TTC7B: variants seen among roughly 807,000 people sequenced by gnomAD.
TTC7B encodes the protein tetratricopeptide repeat domain 7B.
TTC7B carries 28 observed loss-of-function variants against 106.8 expected under a neutral mutation model. The observed-to-expected ratio is 0.26, with a 90% confidence interval of 0.19 to 0.36. The LOEUF is 0.36. Among genes scored for constraint, TTC7B ranks in the 10% least tolerant of loss-of-function variants. TTC7B has a pLI of 1.00. For missense variants in TTC7B, 862 were observed against 1,076.4 expected, an observed-to-expected ratio of 0.80 and a Z score of 2.79; for synonymous variants, 405 against 430.6, an observed-to-expected ratio of 0.94 and a Z score of 0.74.
In TTC7B at chr14:90,695,502, T is replaced by C; in HGVS notation, c.775A>G (p.Met259Val). Residue 259 changes from methionine (M) to valine (V), a missense_variant and splice_region_variant, in exon 6 of 20, where the codon ATG (methionine) becomes GTG (valine). Physicochemically the swap from Met to Val is conservative, Grantham distance 21. Coordinates refer to ENST00000328459, the MANE Select transcript of TTC7B (RefSeq NM_001010854.2). ...ATCAAGTCACTGTTCACACTTACCA[T>C]TCGCAGGTTTTGAGTCGTTCTTGTT... ...VETRTTQNLRMTIARQLAEIL... is the reference protein window; with the variant it reads ...VETRTTQNLRVTIARQLAEIL... 6.3e-7 allele frequency: 1 copy of C among 1,591,310 alleles called. No individual in the cohort carries two copies. Among genetic ancestry groups the C allele is most frequent in the Non-Finnish European group, 8.5e-7 (1 of 1,169,830 alleles).
chr14:90,783,478 T>C (rs1395989687), intron 2 of TTC7B, among the ~76,000 whole-genome samples: 1 of 152,208 alleles, frequency 6.6e-6, no homozygotes, highest in Non-Finnish European at 1.5e-5. Flanking sequence ...GTGTATCTAG[T>C]GCTATACAGC....
In TTC7B at chr14:90,798,258, C is replaced by A. The variant is rs1477973233; in HGVS notation, c.122-11930G>T. 2.0e-5 allele frequency among the ~76,000 whole-genome samples: 3 copies of A among 152,096 alleles called. 1 individual carries two copies. Among genetic ancestry groups the A allele is most frequent in the African/African-American group, 7.2e-5 (3 of 41,416 alleles). ...AGAGCAGCAAAGTCACCGGGCTGAC[C>A]CATAGCAGGCCACTGATGGATGAGC... is the stretch of plus-strand genomic sequence containing the variant. On this transcript the variant is annotated intron_variant, in intron 1 of 19. Coordinates refer to ENST00000328459, the MANE Select transcript of TTC7B (RefSeq NM_001010854.2).
intron 17 of TTC7B, among the ~76,000 whole-genome samples, chr14:90,596,905 A>G (rs1892229162): frequency 6.6e-6 from 1 of 152,122 alleles, no homozygotes; most frequent in Non-Finnish European, 1.5e-5. Flanking sequence ...CCCTCTCTGG[A>G]TGCACGTGTG....
intron 1 of TTC7B, among the ~76,000 whole-genome samples, chr14:90,810,572 G>A (rs1171710705): frequency 1.3e-5 from 2 of 152,210 alleles, no homozygotes; most frequent in Non-Finnish European, 2.9e-5. Flanking sequence ...TGTTTTAAAA[G>A]TGTATTAGCC....
At position 90,802,457 on chromosome 14, in the gene TTC7B, AAGC is replaced by A. The variant is rs1566896152; in HGVS notation, c.121+13715_121+13717del. On this transcript the variant is annotated intron_variant, in intron 1 of 19. Transcript: ENST00000328459. This position sits in a 1 kb window ranked among gnomAD's most constrained non-coding sequence, Gnocchi z 4.7. ...GGCCTCTGAAGGGAGTGAGGGCTCC[AAGC>A]AGTGACAGAGGGCGCCAGCAGTGAC... Among the ~76,000 whole-genome samples, 282 of 151,632 alleles carry A rather than the reference AAGC, an allele frequency of 1.9e-3. 4 individuals are homozygous for A. The highest frequency in any genetic ancestry group is 6.2e-4 in the Non-Finnish European group (42 of 67,860).
chr14:90,661,622 G>A lies in TTC7B; in HGVS notation c.1153-3235C>T, dbSNP rs777859820. ...CACGGGAGCCGGTATGTGGAGAGAT[G>A]GTAGATAATCAAAAATAAGGATTAT... On this transcript the variant is annotated intron_variant, in intron 9 of 19. Transcript: ENST00000328459. 7.9e-5 allele frequency among the ~76,000 whole-genome samples: 12 copies of A among 151,996 alleles called. No homozygotes were observed. In the South Asian group the frequency reaches 1.9e-3, roughly 24 times the overall value.
intron 3 of TTC7B, among the ~76,000 whole-genome samples, chr14:90,747,021 T>C (rs1566868195): frequency 6.6e-6 from 1 of 152,080 alleles, no homozygotes; most frequent in East Asian, 1.9e-4. Flanking sequence ...CTGACAAGTG[T>C]CTTTGTTTAT....
At chr14:90,771,718 AAAG>A (rs779003734) in intron 3 of TTC7B, among the ~76,000 whole-genome samples, 40 of 152,068 alleles carry the variant, frequency 2.6e-4, no homozygotes, top group Admixed American at 4.6e-4. Context: ...CAGAATGAAA[AAAG>A]AATATAAAAT....
At chr14:90,582,945 G>C (rs1465275161) in intron 18 of TTC7B, among the ~76,000 whole-genome samples, 1 of 152,248 alleles carries the variant, frequency 6.6e-6, no homozygotes, top group Non-Finnish European at 1.5e-5. Context: ...CACCACCCGT[G>C]AGATCACCCC....
chr14:90,675,621 C>T (rs1886801340), intron 9 of TTC7B, among the ~76,000 whole-genome samples: 1 of 152,176 alleles, frequency 6.6e-6, no homozygotes, highest in Non-Finnish European at 1.5e-5. Context: ...TCTGTTTCCC[C>T]AAGGTTCCTG....
At chr14:90,672,172 G>A (rs1354248953) in intron 9 of TTC7B, among the ~76,000 whole-genome samples, 2 of 152,210 alleles carry the variant, frequency 1.3e-5, no homozygotes, top group African/African-American at 4.8e-5. Flanking sequence ...GACAAGAGAA[G>A]GAAGGAAAGC....
At chr14:90,745,569 AATGTGGTTAC>A (rs1452114754) in intron 3 of TTC7B, among the ~76,000 whole-genome samples, 2 of 152,130 alleles carry the variant, frequency 1.3e-5, no homozygotes, top group African/African-American at 4.8e-5. Context: ...TTAGTTTTTA[AATGTGGTTAC>A]ATCGACTGAT....
intron 19 of TTC7B, among the ~76,000 whole-genome samples, chr14:90,553,780 CAT>C (rs1394855966): frequency 2.0e-5 from 3 of 152,228 alleles, no homozygotes; most frequent in Non-Finnish European, 2.9e-5. Context: ...TGCTGCTTAA[CAT>C]AGCTCCTCGA....
At chr14:90,595,946 A>G (rs897645749) in intron 17 of TTC7B, among the ~76,000 whole-genome samples, 3 of 152,186 alleles carry the variant, frequency 2.0e-5, no homozygotes, top group African/African-American at 4.8e-5. Flanking sequence ...TCCCTGCAGC[A>G]CAAGCGTCAC....
At chr14:90,811,497 C>T (rs2030899206) in intron 1 of TTC7B, among the ~76,000 whole-genome samples, 1 of 152,230 alleles carries the variant, frequency 6.6e-6, no homozygotes, top group African/African-American at 2.4e-5. Context: ...CTCTTCTTCA[C>T]AGGAGGGTGT....
intron 19 of TTC7B, among the ~76,000 whole-genome samples, chr14:90,565,746 C>G (rs1178057768): frequency 1.3e-5 from 2 of 152,122 alleles, no homozygotes; most frequent in Non-Finnish European, 2.9e-5. Context: ...GCCACTCTTC[C>G]TTTCACTTGA....
At chr14:90,812,484 G>A (rs1227680470) in intron 1 of TTC7B, among the ~76,000 whole-genome samples, 4 of 152,072 alleles carry the variant, frequency 2.6e-5, no homozygotes, top group African/African-American at 9.7e-5. Flanking sequence ...TGGACACCTT[G>A]CTGAGATGTG....
intron 5 of TTC7B, among the ~76,000 whole-genome samples, chr14:90,710,291 A>T (rs969995431): frequency 2.0e-5 from 3 of 152,178 alleles, no homozygotes; most frequent in Non-Finnish European, 4.4e-5. Context: ...TGAAGATGTG[A>T]CTGAACTGTG....
chr14:90,618,483 G>A (rs1421400485), intron 15 of TTC7B, among the ~76,000 whole-genome samples: 1 of 152,216 alleles, frequency 6.6e-6, no homozygotes, highest in Non-Finnish European at 1.5e-5. Context: ...GCTCACCGTC[G>A]TGTGAGCTTC....
Sources: gnomAD v4.1 joint callset for allele counts (sites outside exome capture counted in the v4.1 genomes callset) on GRCh38, gnomAD v4.1.1 for gene constraint, Gnocchi (gnomAD v3.1) non-coding constraint, MANE v1.5 for transcripts, NCBI Gene and HGNC (gene_info 2026-07-23, HGNC 2026-07-21) for gene names.